VWA8: variants seen among roughly 807,000 people sequenced by gnomAD.
The protein encoded by VWA8 is von Willebrand factor A domain containing 8, also known as von Willebrand factor A domain-containing protein 8.
Under a neutral mutation model 241.5 loss-of-function variants are expected in VWA8, and 221 were observed. The ratio of observed to expected loss-of-function variants is 0.91; its 90% CI spans 0.82 to 1.02. VWA8 has a LOEUF of 1.02. Ranked by LOEUF, VWA8 falls within the 50% of genes least tolerant of loss-of-function variation. The pLI is 0.00. For synonymous variants in VWA8, 852 were observed against 827.1 expected (o/e 1.03, Z -0.52); for missense variants, 2,322 against 2,328.7 (o/e 1.00, Z 0.06).
At chr13:41,751,137 A>G (rs2045653193) in intron 21 of VWA8, among the ~76,000 whole-genome samples, 1 of 144,060 alleles carries the variant, frequency 6.9e-6, no homozygotes, top group Admixed American at 6.9e-5. Flanking sequence ...CAAATGTTAA[A>G]TAAAAAAAAA....
rs775151685 is a variant in VWA8 at position 41,590,635 on chromosome 13, C to T, written c.5112+5G>A. ...AGCTGAGGCTAGCAGTTCACCATGA[C>T]TTACTTGTGGCTCCAGCTCACCCCG... On this transcript the variant is annotated splice_donor_5th_base_variant and intron_variant, in intron 41 of 44. Coordinates refer to ENST00000379310, the MANE Select transcript of VWA8 (RefSeq NM_015058.2). The T allele has an allele frequency of 6.3e-5, 102 of 1,613,686 alleles. No individual in the cohort carries two copies. The highest frequency in any genetic ancestry group is 7.8e-5 in the Non-Finnish European group (92 of 1,179,878).
chr13:41,604,303 A>G (rs1418905210), intron 40 of VWA8, among the ~76,000 whole-genome samples: 1 of 152,170 alleles, frequency 6.6e-6, no homozygotes, highest in African/African-American at 2.4e-5. Flanking sequence ...ATCCTAAATA[A>G]CTGCATATAG....
At chr13:41,673,512 A>T (rs1244642681) in intron 36 of VWA8, among the ~76,000 whole-genome samples, 1 of 152,214 alleles carries the variant, frequency 6.6e-6, no homozygotes, top group Non-Finnish European at 1.5e-5. Flanking sequence ...GACTCTTGAC[A>T]CTTGAAATGT....
At chr13:41,654,078 G>A (rs1395317929) in intron 37 of VWA8, among the ~76,000 whole-genome samples, 1 of 151,996 alleles carries the variant, frequency 6.6e-6, no homozygotes, top group African/African-American at 2.4e-5. Flanking sequence ...CACACACAAA[G>A]GGAGAAGAGA....
chr13:41,702,942 A>T (rs1419547811), intron 27 of VWA8, among the ~76,000 whole-genome samples: 1 of 152,292 alleles, frequency 6.6e-6, no homozygotes, highest in East Asian at 1.9e-4. Flanking sequence ...CTAGTAACGG[A>T]CAGTTCTTTA....
chr13:41,904,460 C>T (rs977581349), intron 4 of VWA8, among the ~76,000 whole-genome samples: 5 of 152,100 alleles, frequency 3.3e-5, no homozygotes, highest in Non-Finnish European at 7.4e-5. Context: ...CCCAGCTCCT[C>T]ACTATTCCAG....
At chr13:41,841,592 C>T (rs906644856) in intron 12 of VWA8, among the ~76,000 whole-genome samples, 1 of 150,180 alleles carries the variant, frequency 6.7e-6, no homozygotes, top group African/African-American at 2.5e-5. Flanking sequence ...CGAGACCATC[C>T]TGGCTAACAC....
chr13:41,660,098 G>C (rs1045872223), intron 37 of VWA8, among the ~76,000 whole-genome samples: 3 of 151,978 alleles, frequency 2.0e-5, no homozygotes, highest in Admixed American at 1.3e-4. Flanking sequence ...CTGGTGAATG[G>C]AACTGATGAT....
intron 44 of VWA8, among the ~76,000 whole-genome samples, chr13:41,569,498 C>T (rs1486080241): frequency 1.3e-5 from 2 of 152,130 alleles, no homozygotes; most frequent in Non-Finnish European, 2.9e-5. Flanking sequence ...TTCTCAACCT[C>T]GCTCTGCAAC....
At chr13:41,774,109 G>A (rs1868471230) in intron 20 of VWA8, among the ~76,000 whole-genome samples, 1 of 151,782 alleles carries the variant, frequency 6.6e-6, no homozygotes, top group South Asian at 2.1e-4. Flanking sequence ...AAATCATTTT[G>A]GCTACTCATT....
At chr13:41,641,642 C>T (rs1047286276) in intron 37 of VWA8, among the ~76,000 whole-genome samples, 12 of 151,982 alleles carry the variant, frequency 7.9e-5, no homozygotes, top group Non-Finnish European at 1.0e-4. Flanking sequence ...AGTTTTAAGA[C>T]GGCTGTTCTG....
chr13:41,770,304 G>A (rs999915803), intron 20 of VWA8, among the ~76,000 whole-genome samples: 8 of 152,044 alleles, frequency 5.3e-5, no homozygotes, highest in South Asian at 2.1e-4. Context: ...AGCCAGGCGC[G>A]GTGGCGGGCG....
chr13:41,661,531 G>A (rs1253538021), intron 37 of VWA8, among the ~76,000 whole-genome samples: 1 of 152,122 alleles, frequency 6.6e-6, no homozygotes, highest in Non-Finnish European at 1.5e-5. Flanking sequence ...TTCTCCATCT[G>A]CAAATAACAT....
At chr13:41,599,041 C>T (rs2044505731) in intron 40 of VWA8, among the ~76,000 whole-genome samples, 1 of 152,054 alleles carries the variant, frequency 6.6e-6, no homozygotes, top group African/African-American at 2.4e-5. Flanking sequence ...GTTCATTCAG[C>T]ATATGTTTAC....
chr13:41,667,048 A>G (rs2044991294), intron 37 of VWA8, among the ~76,000 whole-genome samples: 1 of 152,216 alleles, frequency 6.6e-6, no homozygotes, highest in African/African-American at 2.4e-5. Flanking sequence ...ATAAGAGTAA[A>G]CTATGCTCCT....
Position 41,825,673 on chromosome 13 carries a change from C to T in VWA8, c.1700+4856G>A, listed in dbSNP as rs145926139. 3.8e-3 allele frequency among the ~76,000 whole-genome samples: 580 copies of T among 152,162 alleles called. 3 individuals carry two copies. The highest frequency in any genetic ancestry group is 0.02 in the Admixed American group (305 of 15,286). ...TTTTTCTCTCTCTCAAAATCTTCCA[C>T]AAAAAAGCTTAATATAAGTAAATAA... On this transcript the variant is annotated intron_variant, in intron 14 of 44. Coordinates refer to ENST00000379310, the MANE Select transcript of VWA8 (RefSeq NM_015058.2).
At chr13:41,571,148 T>A (rs1192713200) in intron 43 of VWA8, among the ~76,000 whole-genome samples, 1 of 152,136 alleles carries the variant, frequency 6.6e-6, no homozygotes, top group African/African-American at 2.4e-5. Flanking sequence ...AAAATTGTGA[T>A]GTGCATTTTT....
intron 25 of VWA8, among the ~76,000 whole-genome samples, chr13:41,720,030 C>T (rs555247587): frequency 2.0e-4 from 31 of 151,934 alleles, no homozygotes; most frequent in African/African-American, 6.8e-4. Context: ...ATTGCCACTG[C>T]TTTCTGAAAT....
intron 37 of VWA8, among the ~76,000 whole-genome samples, chr13:41,626,541 A>G (rs1225942373): frequency 6.6e-6 from 1 of 152,186 alleles, no homozygotes; most frequent in African/African-American, 2.4e-5. Flanking sequence ...ATAGTAACCA[A>G]AACAGCATGG....
Sources: allele counts gnomAD v4.1 joint callset (sites outside exome capture counted in the v4.1 genomes callset), GRCh38; gene constraint gnomAD v4.1.1; transcripts MANE v1.5; gene names NCBI Gene and HGNC (gene_info 2026-07-23, HGNC 2026-07-21).